Variants in PDE7B observed in about 807,000 individuals in gnomAD.
PDE7B encodes 3',5'-cyclic-AMP phosphodiesterase 7B.
A neutral mutation model predicts 56.2 loss-of-function variants in PDE7B; 29 were observed. The ratio of observed to expected loss-of-function variants is 0.52; its 90% CI spans 0.38 to 0.70. The LOEUF (loss-of-function observed/expected upper bound fraction) is 0.70, where lower values mean the gene tolerates loss of function less well. PDE7B is among the 30% of genes least tolerant of loss of function. PDE7B has a pLI of 0.00. For missense variants in PDE7B, 490 were observed against 565.0 expected, an observed-to-expected ratio of 0.87 and a Z score of 1.35; for synonymous variants, 197 against 196.9, an observed-to-expected ratio of 1.00 and a Z score of 0.00.
At chr6:136,018,652 C>T (rs1356237891) in intron 2 of PDE7B, among the ~76,000 whole-genome samples, 1 of 152,100 alleles carries the variant, frequency 6.6e-6, no homozygotes, top group Non-Finnish European at 1.5e-5. Context: ...TCTTAAATTA[C>T]CGTTAAGAGG....
intron 1 of PDE7B, among the ~76,000 whole-genome samples, chr6:135,928,479 A>ATT (rs1402804848): frequency 0.11 from 10,678 of 98,312 alleles, 811 homozygotes; most frequent in Non-Finnish European, 0.13. Flanking sequence ...TTATATATAT[A>ATT]TATTTATTTA....
chr6:136,156,165 G>GTGTGTGTGTA (rs1778600661), intron 8 of PDE7B: 2 of 256,362 alleles, frequency 7.8e-6, no homozygotes, highest in Non-Finnish European at 1.5e-5. Context: ...TGATCCAAGT[G>GTGTGTGTGTA]TGTGTGTGTG....
chr6:135,976,248 C>G (rs578225833), intron 2 of PDE7B, among the ~76,000 whole-genome samples: 6 of 152,280 alleles, frequency 3.9e-5, no homozygotes, highest in Admixed American at 6.5e-5. Context: ...CTCTATTCCT[C>G]AAGCAGCATT....
intron 1 of PDE7B, among the ~76,000 whole-genome samples, chr6:135,855,067 C>T (rs1775000945): frequency 6.6e-6 from 1 of 152,172 alleles, no homozygotes; most frequent in African/African-American, 2.4e-5. Context: ...TTCATTCAGG[C>T]TCTAATGAGC....
intron 2 of PDE7B, among the ~76,000 whole-genome samples, chr6:136,069,668 T>C (rs1182737025): frequency 6.6e-6 from 1 of 152,220 alleles, no homozygotes; most frequent in Non-Finnish European, 1.5e-5. Context: ...TTTTAAACAC[T>C]TAGTTCTATA....
intron 2 of PDE7B, among the ~76,000 whole-genome samples, chr6:136,082,924 C>A (rs1663157248): frequency 1.3e-5 from 2 of 152,186 alleles, no homozygotes; most frequent in African/African-American, 2.4e-5. Context: ...CAGATGTCCA[C>A]CTCTTTTGAC....
At chr6:136,109,869 T>A (rs1048246445) in intron 3 of PDE7B, among the ~76,000 whole-genome samples, 15 of 152,200 alleles carry the variant, frequency 9.9e-5, no homozygotes, top group South Asian at 8.3e-4. Context: ...TTTCAGTGTT[T>A]GGTTCTCATA....
At position 136,048,251 on chromosome 6, in the gene PDE7B, C is replaced by A. The variant is rs7766011; in HGVS notation, c.83-60480C>A. Among the ~76,000 whole-genome samples the A allele has an allele frequency of 7.3e-3, 1,105 of 152,030 alleles. 5 individuals carry two copies. Among genetic ancestry groups the A allele is most frequent in the Non-Finnish European group, 0.012 (832 of 67,962 alleles). On this transcript the variant is annotated intron_variant, in intron 2 of 12. Transcript: ENST00000308191. ...AAGAAAGGAGATGATGGGCTGGGCG[C>A]GGTGGCTCACGGCTATAACATCAGC...
At chr6:135,955,000 G>C (rs1310660782) in intron 2 of PDE7B, among the ~76,000 whole-genome samples, 3 of 152,130 alleles carry the variant, frequency 2.0e-5, no homozygotes, top group Non-Finnish European at 4.4e-5. Context: ...GCCCAAAAGT[G>C]ATAGAAGTGT....
intron 1 of PDE7B, among the ~76,000 whole-genome samples, chr6:135,934,934 AATATATAATATAT>A (rs1774379534): frequency 3.9e-5 from 3 of 77,872 alleles, no homozygotes; most frequent in Non-Finnish European, 7.4e-5. Context: ...TATATATTTA[AATATATAATATAT>A]ATTTATATAT....
Position 136,155,800 on chromosome 6 carries a change from C to T in PDE7B, c.711+42C>T, listed in dbSNP as rs751788124. On this transcript the variant is annotated intron_variant, in intron 8 of 12. Transcript: ENST00000308191. Reference sequence around the variant, plus strand: ...TGGAGCCAGCCACAGTATGGTCAATCGCCTTAGGCCCGGTGCTCAAGCCTG... The same window carrying T: ...TGGAGCCAGCCACAGTATGGTCAATTGCCTTAGGCCCGGTGCTCAAGCCTG... 1.9e-5 allele frequency: 30 copies of T among 1,603,312 alleles called. No individual in the cohort carries two copies. The Middle Eastern group carries it at 5.0e-4, about 26-fold the overall frequency.
chr6:136,139,757 A>G (rs917016247), intron 3 of PDE7B, among the ~76,000 whole-genome samples: 3 of 152,208 alleles, frequency 2.0e-5, no homozygotes, highest in African/African-American at 7.2e-5. Context: ...TTTTGGCTGC[A>G]TAAATGTCTT....
chr6:135,867,100 T>G (rs1775275746), intron 1 of PDE7B, among the ~76,000 whole-genome samples: 1 of 152,156 alleles, frequency 6.6e-6, no homozygotes, highest in African/African-American at 2.4e-5. Context: ...GTCCTTAGCC[T>G]AGAGTCCAAT....
At chr6:135,885,230 TATC>T (rs1775681319) in intron 1 of PDE7B, among the ~76,000 whole-genome samples, 1 of 152,200 alleles carries the variant, frequency 6.6e-6, no homozygotes, top group Non-Finnish European at 1.5e-5. Context: ...TAAAGCCTGT[TATC>T]ATGATGCCTC....
chr6:135,964,828 T>C (rs1372395953), intron 2 of PDE7B, among the ~76,000 whole-genome samples: 1 of 152,118 alleles, frequency 6.6e-6, no homozygotes, highest in Non-Finnish European at 1.5e-5. Context: ...GTAAACAGTA[T>C]AAAAAATTAA....
intron 2 of PDE7B, among the ~76,000 whole-genome samples, chr6:135,999,721 C>T (rs976333971): frequency 2.0e-5 from 3 of 151,398 alleles, no homozygotes; most frequent in African/African-American, 7.3e-5. Context: ...TTGCAATGAA[C>T]ATATGCATGC....
intron 2 of PDE7B, among the ~76,000 whole-genome samples, chr6:136,016,311 C>T (rs1350317271): frequency 6.6e-6 from 1 of 152,182 alleles, no homozygotes; most frequent in Non-Finnish European, 1.5e-5. Flanking sequence ...TCATTCTCTT[C>T]TACCTTCTTT....
At chr6:136,152,391 G>A (rs867647685) in intron 6 of PDE7B, among the ~76,000 whole-genome samples, 5 of 152,044 alleles carry the variant, frequency 3.3e-5, no homozygotes, top group Non-Finnish European at 4.4e-5. Context: ...GAGTACTTTT[G>A]GCAAGTTATT....
At chr6:136,082,040 G>T (rs1777213999) in intron 2 of PDE7B, among the ~76,000 whole-genome samples, 2 of 152,182 alleles carry the variant, frequency 1.3e-5, no homozygotes, top group Non-Finnish European at 2.9e-5. Context: ...GCAATTTCTA[G>T]TACTACTGGT....
Sources: gnomAD v4.1 joint callset for allele counts (sites outside exome capture counted in the v4.1 genomes callset) on GRCh38, gnomAD v4.1.1 for gene constraint, MANE v1.5 for transcripts, NCBI Gene and HGNC (gene_info 2026-07-23, HGNC 2026-07-21) for gene names.